PCMT1: variants seen among roughly 807,000 people sequenced by gnomAD.
PCMT1 encodes the protein protein-L-isoaspartate (D-aspartate) O-methyltransferase, also known as protein-L-isoaspartate(D-aspartate) O-methyltransferase.
Under a neutral mutation model 29.2 loss-of-function variants are expected in PCMT1, and 9 were observed. That is an observed-to-expected ratio of 0.31 (90% CI 0.19 to 0.54). PCMT1 has a LOEUF of 0.54. Among genes scored for constraint, PCMT1 ranks in the 20% least tolerant of loss-of-function variants. The pLI is 0.95. For synonymous variants in PCMT1, 98 were observed against 97.5 expected, an observed-to-expected ratio of 1.00 and a Z score of -0.03; for missense variants, 184 against 282.2, an observed-to-expected ratio of 0.65 and a Z score of 2.49.
rs145563237 is a variant in PCMT1 at position 149,754,104 on chromosome 6, G to A, written c.55+4148G>A. On this transcript the variant is annotated intron_variant, in intron 1 of 7. Coordinates refer to ENST00000464889, the MANE Select transcript of PCMT1 (RefSeq NM_001360452.2). ...TTTAGAAAAAGTCTATAGCAGTCTT[G>A]CCCTATAGAGTGCTTGGTGATGTTC... Among the ~76,000 whole-genome samples the A allele has an allele frequency of 1.5e-3, 232 of 152,304 alleles. 1 individual carries two copies. The highest frequency in any genetic ancestry group is 5.2e-3 in the African/African-American group (218 of 41,568).
chr6:149,769,967 C>A (rs916216443), intron 1 of PCMT1, among the ~76,000 whole-genome samples: 2 of 152,036 alleles, frequency 1.3e-5, no homozygotes, highest in African/African-American at 4.8e-5. Context: ...GAGAAATTCA[C>A]GTCTCCTGGC....
intron 1 of PCMT1, among the ~76,000 whole-genome samples, chr6:149,767,800 T>C (rs1226437464): frequency 2.2e-5 from 1 of 45,694 alleles, no homozygotes; most frequent in Non-Finnish European, 3.6e-5. Context: ...TTTTTGTTCG[T>C]TTGTTTGTTT....
intron 1 of PCMT1, chr6:149,765,768 A>T (rs1178103585): frequency 1.1e-5 from 3 of 270,352 alleles, no homozygotes; most frequent in South Asian, 1.0e-4. Flanking sequence ...GGAGTTTGAG[A>T]CCAGCCTGAC....
chr6:149,805,394 C>T (rs1288122058), intron 7 of PCMT1, among the ~76,000 whole-genome samples: 1 of 150,534 alleles, frequency 6.6e-6, no homozygotes, highest in Non-Finnish European at 1.5e-5. Context: ...GAGATCGAGA[C>T]CATCCTGGGT....
Position 149,769,308 on chromosome 6 carries a change from C to CTTTTTTTTTTTTTTTTTTTT in PCMT1, c.56-1849_56-1830dup, listed in dbSNP as rs372773939. 3.5e-4 allele frequency among the ~76,000 whole-genome samples: 25 copies of CTTTTTTTTTTTTTTTTTTTT among 71,540 alleles called. 5 individuals carry two copies. Among genetic ancestry groups the CTTTTTTTTTTTTTTTTTTTT allele is most frequent in the African/African-American group, 1.6e-3 (19 of 11,694 alleles). The allele number at this position is 71,540 out of a possible 152,430, so 46.9% of individuals were successfully genotyped here. Reference sequence around the variant, plus strand: ...AGTTAGCACCTATTTGTGCAGGATTCTTTTTTTTTTTTTTTTTTTTTTTTG... The same window carrying CTTTTTTTTTTTTTTTTTTTT: ...AGTTAGCACCTATTTGTGCAGGATTCTTTTTTTTTTTTTTTTTTTTTTTTTTTTTTTTTTTTTTTTTTTTG... On this transcript the variant is annotated intron_variant, in intron 1 of 7. Transcript: ENST00000464889.
intron 1 of PCMT1, among the ~76,000 whole-genome samples, chr6:149,755,976 G>GA (rs1267815097): frequency 6.6e-6 from 1 of 152,164 alleles, no homozygotes; most frequent in African/African-American, 2.4e-5. Flanking sequence ...CCAGGCAGAA[G>GA]AAATAGCGAA....
chr6:149,791,101 G>A (rs1057422703), intron 4 of PCMT1, among the ~76,000 whole-genome samples: 1 of 152,116 alleles, frequency 6.6e-6, no homozygotes, highest in African/African-American at 2.4e-5. Flanking sequence ...ACAGGCCTCA[G>A]TTTCCCCACC....
chr6:149,786,880 G>A (rs1464150800), intron 3 of PCMT1, among the ~76,000 whole-genome samples: 3 of 147,382 alleles, frequency 2.0e-5, no homozygotes, highest in African/African-American at 7.7e-5. Flanking sequence ...ACGGGGTGGC[G>A]GCCGGGCAGA....
chr6:149,773,075 A>T, intron 2 of PCMT1, 63 bp from the exon 3 acceptor site: 1 of 1,275,400 alleles, frequency 7.8e-7, no homozygotes, highest in Non-Finnish European at 1.1e-6. Context: ...GTAGAAAAGA[A>T]ATTATGTGAA....
intron 7 of PCMT1, among the ~76,000 whole-genome samples, chr6:149,803,071 A>C (rs1245307110): frequency 9.3e-4 from 138 of 148,710 alleles, no homozygotes; most frequent in African/African-American, 2.8e-3. Context: ...AAAAAAAAAA[A>C]AAAAAAAAAA....
At chr6:149,767,941 G>A (rs768724139) in intron 1 of PCMT1, among the ~76,000 whole-genome samples, 5 of 151,362 alleles carry the variant, frequency 3.3e-5, no homozygotes, top group East Asian at 2.0e-4. Flanking sequence ...TTACAGGTGC[G>A]CACCACCACA....
rs1478267596 is a variant in PCMT1, at chr6:149,752,086, C to T, written c.55+2130C>T. Among the ~76,000 whole-genome samples the T allele has an allele frequency of 5.0e-5, 7 of 140,558 alleles. No homozygotes were observed. The Admixed American group carries it at 5.7e-4, about 11-fold the overall frequency. The allele number at this position is 140,558 out of a possible 152,430, so 92.2% of individuals were successfully genotyped here. On this transcript the variant is annotated intron_variant, in intron 1 of 7. Transcript: ENST00000464889. The stretch of plus-strand genomic sequence containing the variant: ...ATGAGATGGGGTCTTGCTATGTTGC[C>T]CAGGCTGGTCTTGAACTCCTGGACT...
At chr6:149,751,008 C>G (rs1786291186) in intron 1 of PCMT1, among the ~76,000 whole-genome samples, 1 of 152,116 alleles carries the variant, frequency 6.6e-6, no homozygotes, top group Non-Finnish European at 1.5e-5. Flanking sequence ...TCCTTAACGG[C>G]TGGCACCATT....
intron 7 of PCMT1, among the ~76,000 whole-genome samples, chr6:149,808,924 C>T (rs1228145521): frequency 7.4e-4 from 1 of 1,352 alleles, no homozygotes; most frequent in Non-Finnish European, 1.4e-3. Flanking sequence ...GTGTGAGCCA[C>T]TGCCCCTGGC....
chr6:149,771,024 C>T (rs1787299523), intron 1 of PCMT1, 138 bp from the exon 2 acceptor site: 1 of 493,344 alleles, frequency 2.0e-6, no homozygotes, highest in Non-Finnish European at 3.5e-6. Context: ...AACCAGGTTG[C>T]CATTACCTGG....
intron 1 of PCMT1, among the ~76,000 whole-genome samples, chr6:149,770,524 G>A (rs1359072882): frequency 6.6e-6 from 1 of 152,074 alleles, no homozygotes; most frequent in Non-Finnish European, 1.5e-5. Flanking sequence ...GGCTAACACA[G>A]TGAAACCCCA....
chr6:149,787,755 C>A (rs1376452029), intron 3 of PCMT1, among the ~76,000 whole-genome samples: 3 of 152,134 alleles, frequency 2.0e-5, no homozygotes, highest in Non-Finnish European at 4.4e-5. Flanking sequence ...CACAGTCTTA[C>A]CATTGGTAAA....
chr6:149,802,477 A>C, intron 7 of PCMT1, 61 bp downstream of exon 7: 1 of 1,376,522 alleles, frequency 7.3e-7, no homozygotes, highest in Non-Finnish European at 9.5e-7. Context: ...TGTCACCTTT[A>C]TGCTCCTCCA....
chr6:149,758,087 T>C (rs1490052637), intron 1 of PCMT1, among the ~76,000 whole-genome samples: 1 of 152,026 alleles, frequency 6.6e-6, no homozygotes, highest in Non-Finnish European at 1.5e-5. Flanking sequence ...TTTCACCATG[T>C]TGGCCAGGAT....
Sources: allele counts gnomAD v4.1 joint callset (sites outside exome capture counted in the v4.1 genomes callset), GRCh38; gene constraint gnomAD v4.1.1; transcripts MANE v1.5; gene names NCBI Gene and HGNC (gene_info 2026-07-23, HGNC 2026-07-21).